XIST: variants seen among roughly 807,000 people sequenced by gnomAD.
XIST encodes X inactive specific transcript.
chrX:73,850,160 T>C (rs770648629), exon 1 of XIST: 3 of 555,416 alleles, frequency 5.4e-6, no homozygotes, highest in South Asian at 4.5e-5. Flanking sequence ...TGAAGTTAAA[T>C]TTTTTACTGT....
At chrX:73,825,721 A>C (rs752217838) in exon 6 of XIST, 90 of 513,308 alleles carry the variant, frequency 1.8e-4, no homozygotes, top group Non-Finnish European at 2.8e-4. Context: ...CTTACAGAAA[A>C]ACTGTGGACC....
Position 73,846,381 on chromosome X carries a change from G to A in XIST, n.6343C>T, listed in dbSNP as rs745482835. On this transcript the variant is annotated non_coding_transcript_exon_variant, in exon 1 of 6. Coordinates refer to ENST00000429829, the Ensembl canonical transcript of XIST. Reference sequence around the variant, plus strand: ...TGGAGTGGGCACTCCCTGCTGGAAGGGAAAGGTGAGACTGAGGTATGTGGA... The same window carrying A: ...TGGAGTGGGCACTCCCTGCTGGAAGAGAAAGGTGAGACTGAGGTATGTGGA... 9 of 557,525 alleles carry A rather than the reference G, an allele frequency of 1.6e-5. No individual in the cohort carries two copies. The East Asian group carries it at 2.9e-4, about 18-fold the overall frequency. The allele number at this position is 557,525 out of a possible 1,213,427, so 45.9% of individuals were successfully genotyped here.
At chrX:73,846,685 G>A (rs1922781283) in exon 1 of XIST, 1 of 559,151 alleles carries the variant, frequency 1.8e-6, no homozygotes. Flanking sequence ...GATGAGGGGA[G>A]CACTTTCCTT....
At chrX:73,826,183 T>TGTC in exon 6 of XIST, 1 of 559,376 alleles carries the variant, frequency 1.8e-6, no homozygotes, top group South Asian at 2.2e-5. Context: ...GTGTATTTCT[T>TGTC]GTCTAATTCT....
exon 1 of XIST, chrX:73,846,425 G>A (rs1333184554): frequency 1.8e-6 from 1 of 558,621 alleles, no homozygotes. Context: ...TCCTTTTCTA[G>A]TGCATAGGAT....
At chrX:73,846,301 T>C (rs761731792) in exon 1 of XIST, 3 of 557,889 alleles carry the variant, frequency 5.4e-6, no homozygotes, top group Non-Finnish European at 9.7e-6. Context: ...CTAAGGTGCA[T>C]GGTTGTGTTC....
Position 73,851,161 on chromosome X carries a change from A to T in XIST, n.1563T>A, listed in dbSNP as rs1922929705. ...GTTATGCAGCAATCCAGCACTGTCC[A>T]TCCCACCTTTTCTCCCGCTCTGCGT... is the stretch of plus-strand genomic sequence containing the variant. On this transcript the variant is annotated non_coding_transcript_exon_variant, in exon 1 of 6. Coordinates refer to ENST00000429829, the Ensembl canonical transcript of XIST. The T allele has an allele frequency of 5.4e-6, 3 of 558,081 alleles. No individual in the cohort carries two copies. In the Admixed American group the frequency reaches 6.7e-5, roughly 12 times the overall value. 46.0% of individuals were successfully genotyped at this position (558,081 alleles called of 1,213,427 possible).
At chrX:73,825,819 T>C in exon 6 of XIST, 1 of 543,626 alleles carries the variant, frequency 1.8e-6, no homozygotes, top group Non-Finnish European at 3.3e-6. Context: ...TTTTCTCTTA[T>C]GTTTTACAGT....
exon 5 of XIST, chrX:73,829,158 G>A (rs1922327344): frequency 3.6e-6 from 2 of 556,849 alleles, no homozygotes; most frequent in Non-Finnish European, 6.5e-6. Context: ...AAATTTCTTG[G>A]ACCTGCTGAA....
chrX:73,841,170 T>C (rs1218782662), intron 1 of XIST: 2 of 314,066 alleles, frequency 6.4e-6, no homozygotes, highest in Non-Finnish European at 1.1e-5. Flanking sequence ...GGGTCCACAA[T>C]ATTAATTCTA....
chrX:73,827,576 A>C (rs1177031657), exon 6 of XIST: 1 of 546,817 alleles, frequency 1.8e-6, no homozygotes, highest in Non-Finnish European at 3.3e-6. Context: ...TAGAAACAGC[A>C]GAAAGGAGGC....
At chrX:73,838,980 A>G (rs1922538904) in intron 1 of XIST, among the ~76,000 whole-genome samples, 1 of 111,877 alleles carries the variant, frequency 8.9e-6, no homozygotes, top group African/African-American at 3.2e-5. Flanking sequence ...GAGAAGAGGC[A>G]TTAGCTCAGT....
At chrX:73,846,954 C>A in exon 1 of XIST, 1 of 558,768 alleles carries the variant, frequency 1.8e-6, no homozygotes, top group South Asian at 2.2e-5. Flanking sequence ...ATCTACAGTT[C>A]GAAGAGAAGG....
At chrX:73,849,851 G>A (rs1922868832) in exon 1 of XIST, 14 of 503,830 alleles carry the variant, frequency 2.8e-5, no homozygotes, top group Non-Finnish European at 4.9e-5. Context: ...GCTAGGGCTG[G>A]GGGGTTAGGG....
At position 73,845,040 on chromosome X, in the gene XIST, C is replaced by T. The variant is rs779329549; in HGVS notation, n.7684G>A. 1.1e-5 allele frequency: 6 copies of T among 554,407 alleles called. No individual in the cohort carries two copies. Among genetic ancestry groups the T allele is most frequent in the African/African-American group, 2.3e-5 (1 of 43,651 alleles). 45.7% of individuals were successfully genotyped at this position (554,407 alleles called of 1,213,427 possible). On this transcript the variant is annotated non_coding_transcript_exon_variant, in exon 1 of 6. Transcript: ENST00000429829. ...AGAGGGGCCTTGGTTATCAGCACAC[C>T]TACTGTACTGCAAAAGGGGTCTGAG... is the stretch of plus-strand genomic sequence containing the variant.
chrX:73,823,893 C>A (rs776910980), exon 6 of XIST: 1 of 557,468 alleles, frequency 1.8e-6, no homozygotes, highest in South Asian at 2.2e-5. Flanking sequence ...ATTTTTATAT[C>A]CTAGGGCATG....
Position 73,823,773 on chromosome X carries a change from A to C in XIST, n.16128T>G, listed in dbSNP as rs1160163179. The C allele has an allele frequency of 7.2e-6, 4 of 556,601 alleles. No individual in the cohort carries two copies. The African/African-American group carries it at 9.0e-5, about 13-fold the overall frequency. 45.9% of individuals were successfully genotyped at this position (556,601 alleles called of 1,213,427 possible). On this transcript the variant is annotated non_coding_transcript_exon_variant, in exon 6 of 6. Coordinates refer to ENST00000429829, the Ensembl canonical transcript of XIST. ...TTAGTACACTGCCTTATATTAGTCC[A>C]TTTGTCCCATGTTTTCATCACTGAA...
chrX:73,851,634 T>C, exon 1 of XIST: 1 of 559,036 alleles, frequency 1.8e-6, no homozygotes, highest in South Asian at 2.2e-5. Flanking sequence ...AGATGATTCT[T>C]ACTGCCTCCC....
At chrX:73,825,052 T>C (rs766015218) in exon 6 of XIST, 37 of 513,291 alleles carry the variant, frequency 7.2e-5, no homozygotes, top group Non-Finnish European at 1.3e-4. Flanking sequence ...CACTTTAATA[T>C]GCACCTTTCT....
Sources: allele counts gnomAD v4.1 joint callset (sites outside exome capture counted in the v4.1 genomes callset), GRCh38; gene constraint gnomAD v4.1.1; transcripts MANE v1.5; gene names NCBI Gene and HGNC (gene_info 2026-07-23, HGNC 2026-07-21).